Variants in OSBPL8 observed in about 807,000 individuals in gnomAD.
The protein encoded by OSBPL8 is oxysterol binding protein like 8.
A neutral mutation model predicts 125.5 loss-of-function variants in OSBPL8; 59 were observed. That is an observed-to-expected ratio of 0.47 (90% CI 0.38 to 0.58). OSBPL8 has a LOEUF of 0.58. Ranked by LOEUF, OSBPL8 falls within the 20% of genes least tolerant of loss-of-function variation. The pLI is 0.00. For missense variants in OSBPL8, 758 were observed against 1,047.8 expected, an observed-to-expected ratio of 0.72 and a Z score of 3.82; for synonymous variants, 330 against 338.9, an observed-to-expected ratio of 0.97 and a Z score of 0.29.
At chr12:76,528,306 T>A (rs1950234191) in intron 1 of OSBPL8, among the ~76,000 whole-genome samples, 1 of 130,542 alleles carries the variant, frequency 7.7e-6, no homozygotes, top group East Asian at 2.2e-4. Context: ...CAGGCTGGGC[T>A]ACATGCAGAA....
chr12:76,513,969 T>C (rs1881276280), intron 1 of OSBPL8, among the ~76,000 whole-genome samples: 1 of 152,088 alleles, frequency 6.6e-6, no homozygotes, highest in African/African-American at 2.4e-5. Flanking sequence ...TGTTGTTGGC[T>C]GGTTATTATG....
At chr12:76,389,533 G>T in intron 12 of OSBPL8, 112 bp downstream of exon 12, 1 of 808,918 alleles carries the variant, frequency 1.2e-6, no homozygotes, top group Non-Finnish European at 1.9e-6. Flanking sequence ...AACAGAGAGT[G>T]ATGTCTCATT....
intron 1 of OSBPL8, among the ~76,000 whole-genome samples, chr12:76,501,758 C>T (rs1334983486): frequency 1.3e-5 from 2 of 152,244 alleles, no homozygotes; most frequent in African/African-American, 4.8e-5. Flanking sequence ...AACACCAAGT[C>T]CTCAATACAG....
At chr12:76,537,543 A>G (rs769372935) in intron 1 of OSBPL8, among the ~76,000 whole-genome samples, 9 of 152,216 alleles carry the variant, frequency 5.9e-5, no homozygotes, top group Admixed American at 1.3e-4. Flanking sequence ...ACTTGAGCAA[A>G]TTAAGTTCTC....
intron 1 of OSBPL8, among the ~76,000 whole-genome samples, chr12:76,497,869 T>C (rs7308867): frequency 0.17 from 26,200 of 152,170 alleles, 2,448 homozygotes; most frequent in Middle Eastern, 0.24. Context: ...TGTGTTAGGA[T>C]TGGGCATTTT....
At chr12:76,546,689 T>C (rs766863360) in intron 1 of OSBPL8, among the ~76,000 whole-genome samples, 2 of 152,138 alleles carry the variant, frequency 1.3e-5, no homozygotes, top group South Asian at 2.1e-4. Flanking sequence ...ACAACTGATA[T>C]CTGAGAGGGA....
At chr12:76,437,660 G>A (rs572048507) in intron 4 of OSBPL8, among the ~76,000 whole-genome samples, 157 of 152,166 alleles carry the variant, frequency 1.0e-3, no homozygotes, top group African/African-American at 3.7e-3. Context: ...AAAGAGTTAA[G>A]AATGGTCTTA....
At chr12:76,545,297 A>C (rs957549162) in intron 1 of OSBPL8, among the ~76,000 whole-genome samples, 1 of 152,168 alleles carries the variant, frequency 6.6e-6, no homozygotes, top group South Asian at 2.1e-4. Flanking sequence ...TTCTATGTAA[A>C]TTTTGACCAT....
chr12:76,453,830 A>T (rs1186131335), intron 3 of OSBPL8, among the ~76,000 whole-genome samples: 2 of 151,554 alleles, frequency 1.3e-5, no homozygotes, highest in African/African-American at 2.4e-5. Flanking sequence ...GAATGTTCTT[A>T]AAAAAAAACT....
chr12:76,445,119 A>G (rs1315384533), intron 4 of OSBPL8, among the ~76,000 whole-genome samples: 2 of 152,176 alleles, frequency 1.3e-5, no homozygotes, highest in African/African-American at 4.8e-5. Context: ...TGTTTTGTTA[A>G]GAAAGATGAA....
intron 4 of OSBPL8, among the ~76,000 whole-genome samples, chr12:76,424,825 A>G (rs544657757): frequency 6.6e-6 from 1 of 152,214 alleles, no homozygotes; most frequent in Admixed American, 6.5e-5. Context: ...AATCAAGAAA[A>G]GGGGTATTTT....
chr12:76,378,115 A>G (rs148341006), intron 16 of OSBPL8, among the ~76,000 whole-genome samples: 2 of 152,362 alleles, frequency 1.3e-5, no homozygotes, highest in African/African-American at 2.4e-5. Flanking sequence ...ATGGTGGTGC[A>G]AAAAGATGAA....
Position 76,369,321 on chromosome 12 carries a change from A to AAC in OSBPL8, c.2241-21_2241-20insGT. The AAC allele has an allele frequency of 6.3e-7, 1 of 1,574,814 alleles. No individual in the cohort carries two copies. The highest frequency in any genetic ancestry group is 8.6e-7 in the Non-Finnish European group (1 of 1,169,064). On this transcript the variant is annotated intron_variant, in intron 20 of 23. Coordinates refer to ENST00000261183, the MANE Select transcript of OSBPL8 (RefSeq NM_020841.5). ...CGGGTACTACATAAATGAAAAAAAA[A>AAC]AAAACCATTTGCTCAATGACTAAAC...
intron 4 of OSBPL8, among the ~76,000 whole-genome samples, chr12:76,417,043 C>G (rs1868767919): frequency 6.6e-6 from 1 of 152,208 alleles, no homozygotes; most frequent in African/African-American, 2.4e-5. Flanking sequence ...TTATTTACCT[C>G]CCTTCCAGCT....
intron 8 of OSBPL8, among the ~76,000 whole-genome samples, chr12:76,396,382 G>C (rs1370174890): frequency 6.6e-6 from 1 of 152,146 alleles, no homozygotes; most frequent in Non-Finnish European, 1.5e-5. Flanking sequence ...CAATTAGTTG[G>C]TTTTCCCTAA....
rs546120945 is a variant in OSBPL8, at chr12:76,513,074, A to C, written c.-67-25456T>G. On this transcript the variant is annotated intron_variant, in intron 1 of 23. Coordinates refer to ENST00000261183, the MANE Select transcript of OSBPL8 (RefSeq NM_020841.5). ...ACTTACCCAAAAGTCATTCAGCAGC[A>C]TGCTGTTTAATTTTCATGTAATTGC... Among the ~76,000 whole-genome samples, 3 of 152,378 alleles carry C rather than the reference A, an allele frequency of 2.0e-5. No individual in the cohort carries two copies. The South Asian group carries it at 6.2e-4, about 32-fold the overall frequency.
At chr12:76,502,605 T>C (rs974331159) in intron 1 of OSBPL8, among the ~76,000 whole-genome samples, 6 of 152,184 alleles carry the variant, frequency 3.9e-5, no homozygotes, top group South Asian at 2.1e-4. Context: ...GATAATATGA[T>C]GGGATATCTT....
chr12:76,451,264 G>T lies in OSBPL8; in HGVS notation c.80-276C>A, dbSNP rs191782349. Among the ~76,000 whole-genome samples the T allele has an allele frequency of 3.2e-3, 483 of 151,624 alleles. 1 individual carries two copies. The highest frequency in any genetic ancestry group is 3.8e-3 in the Non-Finnish European group (256 of 67,902). On this transcript the variant is annotated intron_variant, in intron 3 of 23. Coordinates refer to ENST00000261183, the MANE Select transcript of OSBPL8 (RefSeq NM_020841.5). ...TCCAACTGATAATGAAAGGCCTAAG[G>T]TTTACTGTGTGCCTTTCATTGTGCT...
chr12:76,499,411 A>G (rs1399976204), intron 1 of OSBPL8, among the ~76,000 whole-genome samples: 1 of 151,766 alleles, frequency 6.6e-6, no homozygotes, highest in African/African-American at 2.4e-5. Flanking sequence ...GTCCCTCTAG[A>G]GAACCCTAAT....
Sources: gnomAD v4.1 joint callset for allele counts (sites outside exome capture counted in the v4.1 genomes callset) on GRCh38, gnomAD v4.1.1 for gene constraint, MANE v1.5 for transcripts, NCBI Gene and HGNC (gene_info 2026-07-23, HGNC 2026-07-21) for gene names.